Variants in ATP2B2 observed in about 807,000 individuals in gnomAD.
ATP2B2 encodes the protein plasma membrane calcium-transporting ATPase 2.
Under a neutral mutation model 120.0 loss-of-function variants are expected in ATP2B2, and 15 were observed. That is an observed-to-expected ratio of 0.12 (90% CI 0.08 to 0.19). The LOEUF is 0.19. Ranked by LOEUF, ATP2B2 falls within the 10% of genes least tolerant of loss-of-function variation. The pLI, the probability that ATP2B2 is intolerant of heterozygous loss-of-function variation, is 1.00. For synonymous variants in ATP2B2, 694 were observed against 700.3 expected (o/e 0.99, Z 0.14); for missense variants, 1,045 against 1,719.8 (o/e 0.61, Z 6.94).
At chr3:10,383,567 G>A (rs561413423) in intron 8 of ATP2B2, among the ~76,000 whole-genome samples, 2 of 152,200 alleles carry the variant, frequency 1.3e-5, no homozygotes, top group African/African-American at 4.8e-5. Flanking sequence ...ACACTTTAGA[G>A]CCAGCCAGGT....
intron 1 of ATP2B2, among the ~76,000 whole-genome samples, chr3:10,651,829 T>A (rs1187074359): frequency 6.6e-6 from 1 of 152,130 alleles, no homozygotes; most frequent in Non-Finnish European, 1.5e-5. Flanking sequence ...TGTCAAGGAT[T>A]ATAACCTTCT....
intron 3 of ATP2B2, among the ~76,000 whole-genome samples, chr3:10,523,329 TA>T (rs1162268939): frequency 6.6e-6 from 1 of 152,228 alleles, no homozygotes; most frequent in African/African-American, 2.4e-5. Flanking sequence ...GACAAGCTTT[TA>T]ACTTTCTATT....
intron 22 of ATP2B2, among the ~76,000 whole-genome samples, chr3:10,330,556 G>A (rs565781650): frequency 1.3e-5 from 2 of 152,366 alleles, no homozygotes; most frequent in African/African-American, 4.8e-5. Context: ...CGGCGTTGGC[G>A]CCTCCAGGAC....
At chr3:10,361,457 T>C (rs1482372643) in intron 12 of ATP2B2, among the ~76,000 whole-genome samples, 1 of 152,060 alleles carries the variant, frequency 6.6e-6, no homozygotes, top group African/African-American at 2.4e-5. Flanking sequence ...GCCTCCCTTA[T>C]TTCCTTCTCC....
At chr3:10,643,112 C>G (rs909240174) in intron 1 of ATP2B2, among the ~76,000 whole-genome samples, 1 of 152,186 alleles carries the variant, frequency 6.6e-6, no homozygotes, top group Non-Finnish European at 1.5e-5. Context: ...TGAGGCATGT[C>G]ACAAGGACGC....
At position 10,465,810 on chromosome 3, in the gene ATP2B2, G is replaced by T. The variant is rs192700865; in HGVS notation, c.-319-15948C>A. Among the ~76,000 whole-genome samples, 10 of 152,334 alleles carry T rather than the reference G, an allele frequency of 6.6e-5. No homozygotes were observed. The East Asian group carries it at 1.5e-3, about 24-fold the overall frequency. ...GGGCCTGCTACGAAATGGGTGCTAGGTTGGGGGGCGTGTGCAGGTGTGTGC... is the reference window on the plus strand; with the variant it reads ...GGGCCTGCTACGAAATGGGTGCTAGTTTGGGGGGCGTGTGCAGGTGTGTGC... On this transcript the variant is annotated intron_variant, in intron 1 of 22. Transcript: ENST00000360273.
intron 1 of ATP2B2, among the ~76,000 whole-genome samples, chr3:10,477,039 C>A (rs2065230850): frequency 6.6e-6 from 1 of 152,180 alleles, no homozygotes; most frequent in Admixed American, 6.5e-5. Context: ...GAGGTAGGCT[C>A]CAAATGCAGA....
intron 1 of ATP2B2, among the ~76,000 whole-genome samples, chr3:10,621,544 G>A (rs987462574): frequency 6.6e-6 from 1 of 152,252 alleles, no homozygotes; most frequent in Non-Finnish European, 1.5e-5. Flanking sequence ...ACACAGCCAG[G>A]GAGTGGCAGT....
intron 1 of ATP2B2, among the ~76,000 whole-genome samples, chr3:10,500,090 A>G (rs2066321569): frequency 1.3e-5 from 2 of 151,934 alleles, no homozygotes; most frequent in Non-Finnish European, 2.9e-5. Context: ...ATGCACCACC[A>G]GGCCCGGCTA....
intron 22 of ATP2B2, among the ~76,000 whole-genome samples, chr3:10,330,959 T>C (rs1373653423): frequency 6.6e-6 from 1 of 152,206 alleles, no homozygotes; most frequent in African/African-American, 2.4e-5. Context: ...TAAGACCCCA[T>C]GGATTGTCTT....
intron 1 of ATP2B2, among the ~76,000 whole-genome samples, chr3:10,458,459 A>C (rs1043049306): frequency 1.5e-5 from 2 of 136,474 alleles, no homozygotes; most frequent in Non-Finnish European, 3.1e-5. Flanking sequence ...AGATCCACTC[A>C]GTTTTGATCT....
chr3:10,530,121 A>T (rs1397080386), intron 3 of ATP2B2, among the ~76,000 whole-genome samples: 1 of 152,166 alleles, frequency 6.6e-6, no homozygotes, highest in African/African-American at 2.4e-5. Flanking sequence ...CTCTTTTCGC[A>T]GTGCTCAGGT....
intron 1 of ATP2B2, among the ~76,000 whole-genome samples, chr3:10,656,018 G>A (rs1243423434): frequency 6.6e-6 from 1 of 152,224 alleles, no homozygotes; most frequent in African/African-American, 2.4e-5. Context: ...CTGGATTGAT[G>A]AGTCCAAACA....
chr3:10,401,944 T>C (rs1460273921), intron 4 of ATP2B2, 147 bp downstream of exon 4: 3 of 1,375,824 alleles, frequency 2.2e-6, no homozygotes, highest in Non-Finnish European at 3.0e-6. Flanking sequence ...TTCCACCTCC[T>C]AAAGGATCTC....
intron 1 of ATP2B2, among the ~76,000 whole-genome samples, chr3:10,484,887 C>T (rs1001990349): frequency 2.0e-5 from 3 of 152,248 alleles, no homozygotes; most frequent in Non-Finnish European, 2.9e-5. Context: ...GATTCCTTCA[C>T]AGTGCTGAGC....
At chr3:10,371,699 T>C in intron 12 of ATP2B2, 110 bp downstream of exon 12, 1 of 1,535,678 alleles carries the variant, frequency 6.5e-7, no homozygotes, top group Admixed American at 1.8e-5. Context: ...CATACCAAAA[T>C]ATATTAGCAG....
chr3:10,698,211 A>T (rs2071767798), intron 1 of ATP2B2, among the ~76,000 whole-genome samples: 1 of 152,172 alleles, frequency 6.6e-6, no homozygotes, highest in Non-Finnish European at 1.5e-5. Context: ...GTTGGTGGGG[A>T]TGTCTGGAAA....
At chr3:10,418,515 G>A (rs1296489117) in intron 2 of ATP2B2, among the ~76,000 whole-genome samples, 2 of 152,182 alleles carry the variant, frequency 1.3e-5, no homozygotes, top group African/African-American at 4.8e-5. Context: ...CAAAAGTAGA[G>A]CCCAACTGGG....
At chr3:10,556,328 C>G (rs1021560373) in intron 2 of ATP2B2, among the ~76,000 whole-genome samples, 1 of 152,254 alleles carries the variant, frequency 6.6e-6, no homozygotes, top group Non-Finnish European at 1.5e-5. Flanking sequence ...AGGCTCTCCA[C>G]TAGCACTGGG....
Sources: gnomAD v4.1 joint callset for allele counts (sites outside exome capture counted in the v4.1 genomes callset) on GRCh38, gnomAD v4.1.1 for gene constraint, MANE v1.5 for transcripts, NCBI Gene and HGNC (gene_info 2026-07-23, HGNC 2026-07-21) for gene names.